The following TRPC7 variants were observed in gnomAD, a reference collection of about 807,000 sequenced individuals.
The protein encoded by TRPC7 is transient receptor potential cation channel subfamily C member 7.
TRPC7 carries 42 observed loss-of-function variants against 90.1 expected under a neutral mutation model. That is an observed-to-expected ratio of 0.47 (90% confidence interval 0.36 to 0.60). TRPC7 has a LOEUF of 0.60. TRPC7 is among the 20% of genes least tolerant of loss of function. TRPC7 has a pLI of 0.00. For missense variants in TRPC7, 955 were observed against 1,112.3 expected, an observed-to-expected ratio of 0.86 and a Z score of 2.01; for synonymous variants, 451 against 436.3, an observed-to-expected ratio of 1.03 and a Z score of -0.42.
At chr5:136,264,456 T>C (rs1490665104) in intron 5 of TRPC7, among the ~76,000 whole-genome samples, 1 of 152,194 alleles carries the variant, frequency 6.6e-6, no homozygotes, top group Non-Finnish European at 1.5e-5. Flanking sequence ...GCGTATGTAC[T>C]AGGGAGAACT....
At chr5:136,227,821 G>A (rs1755678772) in intron 8 of TRPC7, among the ~76,000 whole-genome samples, 1 of 152,216 alleles carries the variant, frequency 6.6e-6, no homozygotes, top group South Asian at 2.1e-4. Context: ...TGTAATATAA[G>A]CATAGCAATA....
chr5:136,328,484 C>T (rs545370451), intron 2 of TRPC7, among the ~76,000 whole-genome samples: 145 of 152,318 alleles, frequency 9.5e-4, no homozygotes, highest in African/African-American at 3.4e-3. Context: ...AATTTTTCGT[C>T]ACAGGCCTGA....
intron 2 of TRPC7, among the ~76,000 whole-genome samples, chr5:136,352,703 A>C (rs1363758211): frequency 6.6e-6 from 1 of 152,216 alleles, no homozygotes; most frequent in Admixed American, 6.5e-5. Flanking sequence ...TAAACCAATC[A>C]ACCAAAATGT....
Position 136,336,194 on chromosome 5 carries a change from G to GAA in TRPC7, c.780+20413_780+20414insTT, listed in dbSNP as rs1478776464. Among the ~76,000 whole-genome samples, 6 of 152,084 alleles carry GAA rather than the reference G, an allele frequency of 3.9e-5. No homozygotes were observed. The East Asian group carries it at 1.2e-3, about 29-fold the overall frequency. On this transcript the variant is annotated intron_variant, in intron 2 of 11. Coordinates refer to ENST00000513104, the MANE Select transcript of TRPC7 (RefSeq NM_020389.3). ...TCTCTCACGTTGCAGGCAGTTCATT[G>GAA]CTGTCTCCTCTGTGTTCTCACAGTA...
At chr5:136,213,639 T>C (rs751419745) in intron 11 of TRPC7, 35 bp from the exon 12 acceptor site, 1 of 1,610,600 alleles carries the variant, frequency 6.2e-7, no homozygotes, top group Non-Finnish European at 8.5e-7. Context: ...TGAGTCTGAG[T>C]AGGTGGAAGC....
At chr5:136,231,013 C>T (rs777453160) in intron 8 of TRPC7, among the ~76,000 whole-genome samples, 5 of 152,182 alleles carry the variant, frequency 3.3e-5, no homozygotes, top group Non-Finnish European at 5.9e-5. Context: ...ATAAATAACA[C>T]GTGAGAGGCG....
At chr5:136,274,924 C>A in intron 3 of TRPC7, 87 bp from the exon 4 acceptor site, 2 of 1,423,154 alleles carry the variant, frequency 1.4e-6, no homozygotes, top group Non-Finnish European at 1.9e-6. Flanking sequence ...CTAGGAGTAG[C>A]TGGGGGCTGA....
At chr5:136,223,768 C>T (rs1755538701) in intron 10 of TRPC7, among the ~76,000 whole-genome samples, 1 of 152,112 alleles carries the variant, frequency 6.6e-6, no homozygotes, top group South Asian at 2.1e-4. Context: ...AGAGATTTGG[C>T]CCTAACCCAT....
At chr5:136,305,553 C>T (rs1758591777) in intron 3 of TRPC7, among the ~76,000 whole-genome samples, 2 of 152,094 alleles carry the variant, frequency 1.3e-5, no homozygotes, top group Non-Finnish European at 1.5e-5. Flanking sequence ...CAACATGCCC[C>T]AACTCAGCAA....
At chr5:136,277,439 T>C (rs1455830384) in intron 3 of TRPC7, among the ~76,000 whole-genome samples, 1 of 152,252 alleles carries the variant, frequency 6.6e-6, no homozygotes, top group Non-Finnish European at 1.5e-5. Flanking sequence ...TGTTTACCTC[T>C]ATCTGGGAAC....
At chr5:136,327,113 T>G (rs1429536521) in intron 2 of TRPC7, among the ~76,000 whole-genome samples, 1 of 152,006 alleles carries the variant, frequency 6.6e-6, no homozygotes, top group Non-Finnish European at 1.5e-5. Context: ...CTAGAGGAGG[T>G]AAGTCCATAA....
chr5:136,308,514 G>T (rs1027407231), intron 3 of TRPC7, among the ~76,000 whole-genome samples: 3 of 152,250 alleles, frequency 2.0e-5, no homozygotes, highest in Non-Finnish European at 4.4e-5. Context: ...GGGCATGTGA[G>T]TGTCTGACTG....
intron 2 of TRPC7, among the ~76,000 whole-genome samples, chr5:136,337,961 A>C (rs1249231450): frequency 6.6e-6 from 1 of 152,194 alleles, no homozygotes; most frequent in Non-Finnish European, 1.5e-5. Flanking sequence ...TCCTGTCCCA[A>C]GAATGCAAAC....
intron 3 of TRPC7, among the ~76,000 whole-genome samples, chr5:136,305,260 C>G (rs1758573474): frequency 6.6e-6 from 1 of 152,114 alleles, no homozygotes; most frequent in Non-Finnish European, 1.5e-5. Flanking sequence ...TTCCTTCTTT[C>G]CTGTTCCTCA....
intron 3 of TRPC7, among the ~76,000 whole-genome samples, chr5:136,291,471 A>G (rs1757947910): frequency 6.6e-6 from 1 of 152,236 alleles, no homozygotes; most frequent in Non-Finnish European, 1.5e-5. Context: ...TGGAAAACAA[A>G]AAAAGGCAGG....
rs572583857 is a variant in TRPC7, at chr5:136,362,968, A to C, written c.2+2285T>G. 4.6e-5 allele frequency among the ~76,000 whole-genome samples: 7 copies of C among 152,274 alleles called. No homozygotes were observed. In the South Asian group the frequency reaches 6.2e-4, roughly 14 times the overall value. On this transcript the variant is annotated intron_variant, in intron 1 of 11. Coordinates refer to ENST00000513104, the MANE Select transcript of TRPC7 (RefSeq NM_020389.3). Reference sequence around the variant, plus strand: ...GTTGATCATTTAAGAAGATCAGTACACTGGAGCTGTTGGTGTTTACCAGCA... The same window carrying C: ...GTTGATCATTTAAGAAGATCAGTACCCTGGAGCTGTTGGTGTTTACCAGCA...
At chr5:136,229,634 A>C (rs1755754325) in intron 8 of TRPC7, among the ~76,000 whole-genome samples, 1 of 152,204 alleles carries the variant, frequency 6.6e-6, no homozygotes, top group South Asian at 2.1e-4. Flanking sequence ...AGAAGGAGCC[A>C]ACCCTGCTGA....
At chr5:136,242,789 T>A (rs1007361530) in intron 7 of TRPC7, among the ~76,000 whole-genome samples, 1 of 152,142 alleles carries the variant, frequency 6.6e-6, no homozygotes, top group South Asian at 2.1e-4. Context: ...AGAACTACTA[T>A]AATCAGACTC....
intron 4 of TRPC7, among the ~76,000 whole-genome samples, chr5:136,269,909 C>T (rs191140158): frequency 2.6e-5 from 4 of 152,258 alleles, no homozygotes; most frequent in East Asian, 1.9e-4. Flanking sequence ...CACATTGTAA[C>T]GACTTGATAT....
Sources: allele counts gnomAD v4.1 joint callset (sites outside exome capture counted in the v4.1 genomes callset), GRCh38; gene constraint gnomAD v4.1.1; transcripts MANE v1.5; gene names NCBI Gene and HGNC (gene_info 2026-07-23, HGNC 2026-07-21).